Variants in HGS observed in about 807,000 individuals in gnomAD.
HGS encodes the protein human growth factor-regulated tyrosine kinase substrate.
A neutral mutation model predicts 109.7 loss-of-function variants in HGS; 63 were observed. That is an observed-to-expected ratio of 0.57 (90% confidence interval 0.47 to 0.71). HGS has a LOEUF of 0.71. Among genes scored for constraint, HGS ranks in the 30% least tolerant of loss-of-function variants. The pLI, the probability that HGS is intolerant of heterozygous loss-of-function variation, is 0.00. For missense variants in HGS, 995 were observed against 1,068.3 expected, an observed-to-expected ratio of 0.93 and a Z score of 0.96; for synonymous variants, 546 against 437.3, an observed-to-expected ratio of 1.25 and a Z score of -3.10.
chr17:81,693,827 C>T (rs201345021), intron 10 of HGS, 43 bp from the exon 11 acceptor site: 10 of 1,563,434 alleles, frequency 6.4e-6, no homozygotes, highest in African/African-American at 2.7e-5. Context: ...GCCGGAGGGG[C>T]GTCACGTGCA....
At position 81,693,448 on chromosome 17, in the gene HGS, C is replaced by T. The variant is rs540419199; in HGVS notation, c.663-55C>T. The T allele has an allele frequency of 4.7e-5, 63 of 1,348,586 alleles. No individual in the cohort carries two copies. In the East Asian group the frequency reaches 5.7e-4, roughly 12 times the overall value. The allele number at this position is 1,348,586 out of a possible 1,614,324, so 83.5% of individuals were successfully genotyped here. ...GCAGAGGTGTGGTTGAGAGCTTTGG[C>T]GGGGGCAGGGCGGTGTCAGCGCATG... On this transcript the variant is annotated intron_variant, in intron 8 of 21. Coordinates refer to ENST00000329138, the MANE Select transcript of HGS (RefSeq NM_004712.5).
In HGS at chr17:81,701,756, C is replaced by T; in HGVS notation, c.*138C>T. Reference sequence around the variant, plus strand: ...TCTGCGAGTGAGGGGGGGCCTTCACCCCAAGCCCACCTCCCTTGTCCTCAG... The same window carrying T: ...TCTGCGAGTGAGGGGGGGCCTTCACTCCAAGCCCACCTCCCTTGTCCTCAG... On this transcript the variant is annotated 3_prime_UTR_variant, in exon 22 of 22. Coordinates refer to ENST00000329138, the MANE Select transcript of HGS (RefSeq NM_004712.5). 3 of 1,250,280 alleles carry T rather than the reference C, an allele frequency of 2.4e-6. No individual in the cohort carries two copies. Among genetic ancestry groups the T allele is most frequent in the East Asian group, 2.6e-5 (1 of 37,748 alleles). The allele number at this position is 1,250,280 out of a possible 1,614,324, so 77.4% of individuals were successfully genotyped here.
intron 5 of HGS, 116 bp downstream of exon 5, chr17:81,688,943 G>C (rs773009623): frequency 1.4e-6 from 2 of 1,387,822 alleles, no homozygotes; most frequent in Non-Finnish European, 2.0e-6. Flanking sequence ...TGTTGGGAGG[G>C]AGGAGGGCGG....
intron 1 of HGS, 68 bp from the exon 2 acceptor site, chr17:81,685,537 C>A: frequency 9.3e-7 from 1 of 1,071,736 alleles, no homozygotes; most frequent in Non-Finnish European, 1.4e-6. Context: ...CAGCTGCTGC[C>A]AAGCTGGGGT....
In HGS at chr17:81,684,082, G is replaced by C; in HGVS notation, c.16G>C (p.Gly6Arg). 2 of 1,594,416 alleles carry C rather than the reference G, an allele frequency of 1.3e-6. No homozygotes were observed. Among genetic ancestry groups the C allele is most frequent in the Non-Finnish European group, 1.7e-6 (2 of 1,172,708 alleles). Residue 6 changes from glycine (G) to arginine (R), a missense_variant, in exon 1 of 22, where the codon GGC becomes CGC. Physicochemically the swap from Gly to Arg is moderately radical, Grantham distance 125. Coordinates refer to ENST00000329138, the MANE Select transcript of HGS (RefSeq NM_004712.5). MGRGS[G>R]TFERLLDKAT... Reference sequence around the variant, plus strand: ...GGAGGTCGCCATGGGGCGAGGCAGCGGCACCTTCGAGCGTCTCCTAGGTAA... The same window carrying C: ...GGAGGTCGCCATGGGGCGAGGCAGCCGCACCTTCGAGCGTCTCCTAGGTAA...
At chr17:81,684,344 G>A (rs35821128) in intron 1 of HGS, 32,258 of 358,804 alleles carry the variant, frequency 0.09, 2,300 homozygotes, top group East Asian at 0.28. Context: ...GGCGCCAGGG[G>A]CGCTCGGCGA....
chr17:81,694,025 G>T, intron 11 of HGS, 60 bp downstream of exon 11: 6 of 1,428,336 alleles, frequency 4.2e-6, no homozygotes, highest in Non-Finnish European at 5.7e-6. Flanking sequence ...GATGGGGGAC[G>T]CGGGTCCCTG....
intron 8 of HGS, chr17:81,692,462 C>G (rs1283347481): frequency 6.6e-6 from 1 of 152,276 alleles, no homozygotes; most frequent in Non-Finnish European, 1.5e-5. Context: ...TGATGGGCCG[C>G]TGCCCGGAAA....
Position 81,694,799 on chromosome 17 carries a change from G to A in HGS, c.937-16G>A. 1 of 1,614,236 alleles carries A rather than the reference G, an allele frequency of 6.2e-7. No homozygotes were observed. The highest frequency in any genetic ancestry group is 8.5e-7 in the Non-Finnish European group (1 of 1,180,032). On this transcript the variant is annotated splice_polypyrimidine_tract_variant and intron_variant, in intron 11 of 21. Coordinates refer to ENST00000329138, the MANE Select transcript of HGS (RefSeq NM_004712.5). ...GCTCTGTCACCTGTGAGACTCAGATGCCCTTTTCTCCCCAGAACTCGTCGG... is the reference window on the plus strand; with the variant it reads ...GCTCTGTCACCTGTGAGACTCAGATACCCTTTTCTCCCCAGAACTCGTCGG...
chr17:81,687,138 C>T, intron 4 of HGS, 43 bp downstream of exon 4: 4 of 1,392,692 alleles, frequency 2.9e-6, no homozygotes, highest in African/African-American at 1.4e-5. Context: ...CAGGCTGGCA[C>T]CTTTGCTTCT....
intron 21 of HGS, 62 bp from the exon 22 acceptor site, chr17:81,701,446 A>C (rs1032586950): frequency 2.7e-6 from 4 of 1,484,048 alleles, no homozygotes; most frequent in Non-Finnish European, 3.6e-6. Flanking sequence ...CTGGGACAAA[A>C]GCCTTCCTCC....
chr17:81,686,206 C>T (rs982000536), intron 2 of HGS, 106 bp from the exon 3 acceptor site: 46 of 879,552 alleles, frequency 5.2e-5, no homozygotes, highest in Non-Finnish European at 7.3e-5. Flanking sequence ...ACTGGGATTA[C>T]AGGCGTGAGC....
At chr17:81,696,040 A>G (rs1367712986) in intron 15 of HGS, 41 bp downstream of exon 15, 1 of 1,493,072 alleles carries the variant, frequency 6.7e-7, no homozygotes, top group Admixed American at 2.1e-5. Context: ...AGGGGCAGCC[A>G]GGTGTTGTGA....
chr17:81,696,114 C>A, intron 15 of HGS, 115 bp downstream of exon 15: 1 of 1,003,576 alleles, frequency 1.0e-6, no homozygotes, highest in South Asian at 1.7e-5. Flanking sequence ...TCATTGGGGC[C>A]GTGGCTTCCT....
rs766795726 is a variant in HGS at position 81,700,550 on chromosome 17, G to A, written c.1966G>A (p.Ala656Thr). 122 of 1,610,378 alleles carry A rather than the reference G, an allele frequency of 7.6e-5. No individual in the cohort carries two copies. The highest frequency in any genetic ancestry group is 3.3e-4 in the Middle Eastern group (2 of 6,058). ...AAPQAQAGPT[A>T]SPAYSSYQPT... The stretch of plus-strand genomic sequence containing the variant: ...CCCCCAGGCCCAGGCCGGACCCACC[G>A]CCAGCCCCGCTTACTCATCCTACCA... The change falls in exon 19 of 22, where the codon GCC (alanine) becomes ACC (threonine). Residue 656 changes from alanine (A) to threonine (T), a missense_variant. Around this residue, in one of 6 missense-constraint regions of HGS, gnomAD observed 326 missense variants for 309.7 expected, o/e 1.05. Transcript: ENST00000329138.
rs1451832481 is a variant in HGS, at chr17:81,701,978, G to C, written c.*360G>C. On this transcript the variant is annotated 3_prime_UTR_variant, in exon 22 of 22. Transcript: ENST00000329138. ...TGAGCTGGCTGTGGTGTCTGGGTGTGGCCTGGGGCTCCCTCTGCAGGGGCC... is the reference window on the plus strand; with the variant it reads ...TGAGCTGGCTGTGGTGTCTGGGTGTCGCCTGGGGCTCCCTCTGCAGGGGCC... 1 of 206,670 alleles carries C rather than the reference G, an allele frequency of 4.8e-6. No individual in the cohort carries two copies. Among genetic ancestry groups the C allele is most frequent in the Non-Finnish European group, 9.6e-6 (1 of 103,670 alleles). The allele number at this position is 206,670 out of a possible 1,614,324, so 12.8% of individuals were successfully genotyped here.
At chr17:81,686,974 C>A in intron 3 of HGS, 29 bp from the exon 4 acceptor site, 1 of 1,595,652 alleles carries the variant, frequency 6.3e-7, no homozygotes, top group Non-Finnish European at 8.6e-7. Flanking sequence ...GACCACTGGC[C>A]CAACCCTTCC....
In HGS at chr17:81,695,899, C is replaced by G; in HGVS notation, c.1293C>G (p.Arg431=). Residue 431 remains arginine (R), a synonymous_variant, in exon 15 of 22, where the codon CGC becomes CGG. Transcript: ENST00000329138. ...NRMKSNHMRG[R]SITNDSAVLS... is the part of the protein sequence containing the mutation. ...TGAAGAGTAACCACATGCGGGGCCG[C>G]AGCATCACCAATGACTCGGCCGTGC... 1 of 1,611,674 alleles carries G rather than the reference C, an allele frequency of 6.2e-7. No individual in the cohort carries two copies. Among genetic ancestry groups the G allele is most frequent in the Admixed American group, 1.7e-5 (1 of 59,912 alleles).
In HGS at chr17:81,700,573, C is replaced by T; in HGVS notation, c.1989C>T (p.Tyr663=). Residue 663 remains tyrosine (Y), a synonymous_variant, in exon 19 of 22, where the codon TAC becomes TAT. Transcript: ENST00000329138. ...GPTASPAYSS[Y]QPTPTAGYQN... ...CCGCCAGCCCCGCTTACTCATCCTA[C>T]CAGCCTACTCCCACAGCGGGCTACC... 1 of 1,609,276 alleles carries T rather than the reference C, an allele frequency of 6.2e-7. No homozygotes were observed. The highest frequency in any genetic ancestry group is 8.5e-7 in the Non-Finnish European group (1 of 1,177,578).
Sources: gnomAD v4.1 joint callset for allele counts on GRCh38, gnomAD v4.1.1 for gene constraint, gnomAD v4.1.1 regional missense constraint, MANE v1.5 for transcripts, NCBI Gene and HGNC (gene_info 2026-07-23, HGNC 2026-07-21) for gene names.